The following IQSEC1 variants were observed in gnomAD, a reference collection of about 807,000 sequenced individuals.
IQSEC1 encodes IQ motif and SEC7 domain-containing protein 1.
Under a neutral mutation model 91.0 loss-of-function variants are expected in IQSEC1, and 31 were observed. The ratio of observed to expected loss-of-function variants is 0.34; its 90% CI spans 0.26 to 0.46. IQSEC1 has a LOEUF of 0.46. Among genes scored for constraint, IQSEC1 ranks in the 20% least tolerant of loss-of-function variants. The pLI, the probability that IQSEC1 is intolerant of heterozygous loss-of-function variation, is 1.00. For missense variants in IQSEC1, 1,388 were observed against 1,575.6 expected (o/e 0.88, Z 2.02); for synonymous variants, 699 against 662.6 (o/e 1.05, Z -0.84).
chr3:12,974,820 C>T (rs1461426725), intron 1 of IQSEC1, among the ~76,000 whole-genome samples: 1 of 152,144 alleles, frequency 6.6e-6, no homozygotes, highest in East Asian at 1.9e-4. Context: ...CAGCAGCACC[C>T]TCAGGGAGGG....
intron 2 of IQSEC1, among the ~76,000 whole-genome samples, chr3:13,098,711 T>C (rs1222101539): frequency 6.6e-6 from 1 of 152,166 alleles, no homozygotes; most frequent in Non-Finnish European, 1.5e-5. Context: ...GGCCAGTGTA[T>C]ATGGTTCCAT....
intron 1 of IQSEC1, among the ~76,000 whole-genome samples, chr3:13,170,837 C>T (rs11922648): frequency 7.2e-5 from 11 of 152,122 alleles, no homozygotes; most frequent in East Asian, 1.9e-4. Flanking sequence ...CGGTGGCTCA[C>T]GCCTGTAATC....
chr3:13,055,489 T>G (rs540226288), intron 1 of IQSEC1, among the ~76,000 whole-genome samples: 82 of 152,322 alleles, frequency 5.4e-4, no homozygotes, highest in Non-Finnish European at 1.0e-3. Context: ...AACCACCCTG[T>G]GACAGGAGAT....
chr3:12,972,455 G>T (rs1700952635), intron 1 of IQSEC1, among the ~76,000 whole-genome samples: 1 of 152,186 alleles, frequency 6.6e-6, no homozygotes, highest in African/African-American at 2.4e-5. Context: ...GCCACTCCAG[G>T]TTCCTCGTCT....
intron 1 of IQSEC1, among the ~76,000 whole-genome samples, chr3:13,003,299 A>AAAAG (rs1553675624): frequency 6.6e-6 from 1 of 150,422 alleles, no homozygotes; most frequent in Admixed American, 6.6e-5. Flanking sequence ...AAAAAAAAAA[A>AAAAG]GGAATGAAGT....
In IQSEC1 at chr3:12,897,350, A is replaced by G; in HGVS notation, c.*3633T>C. The G allele has an allele frequency of 6.6e-6, 1 of 152,254 alleles. No individual in the cohort carries two copies. Among genetic ancestry groups the G allele is most frequent in the Admixed American group, 6.5e-5 (1 of 15,278 alleles). 9.4% of individuals were successfully genotyped at this position (152,254 alleles called of 1,614,324 possible). ...CACTCCTTTCCTCTCAAAGGTACAC[A>G]GTGGGGGTGCCAGGCTTCTTGTGAG... On this transcript the variant is annotated 3_prime_UTR_variant, in exon 14 of 14. Transcript: ENST00000613206.
chr3:13,092,940 G>C (rs141978497), intron 2 of IQSEC1, among the ~76,000 whole-genome samples: 43 of 152,184 alleles, frequency 2.8e-4, no homozygotes, highest in African/African-American at 9.9e-4. Flanking sequence ...CCCGTAGCCG[G>C]CTCCTCCCAT....
Position 13,099,146 on chromosome 3 carries a change from C to T in IQSEC1, c.303-51624G>A, listed in dbSNP as rs544339076. Among the ~76,000 whole-genome samples, 24 of 152,278 alleles carry T rather than the reference C, an allele frequency of 1.6e-4. 1 individual carries two copies. The South Asian group carries it at 4.8e-3, about 30-fold the overall frequency. ...GGGTGGTGGCTAGACTAGCCTGTCC[C>T]GCACCTGCCACCTGGGGCACCACTG... On this transcript the variant is annotated intron_variant, in intron 2 of 15. Transcript: ENST00000648114.
intron 1 of IQSEC1, among the ~76,000 whole-genome samples, chr3:13,253,390 C>T (rs938563617): frequency 8.5e-5 from 13 of 152,124 alleles, no homozygotes; most frequent in Admixed American, 7.9e-4. Flanking sequence ...GATTCCTCCC[C>T]GGAAGTAATC....
At position 13,240,369 on chromosome 3, in the gene IQSEC1, G is replaced by A. The variant is rs558028532; in HGVS notation, c.272+42342C>T. 5.9e-5 allele frequency among the ~76,000 whole-genome samples: 9 copies of A among 152,136 alleles called. No homozygotes were observed. In the South Asian group the frequency reaches 1.0e-3, roughly 18 times the overall value. On this transcript the variant is annotated intron_variant, in intron 1 of 15. Transcript: ENST00000648114. Reference sequence around the variant, plus strand: ...CTGGGTGACAGAGTGAGACCTTATCGCTAATAAATAAATGAATAAATAAAA... The same window carrying A: ...CTGGGTGACAGAGTGAGACCTTATCACTAATAAATAAATGAATAAATAAAA...
At chr3:13,051,920 T>A (rs1704705843) in intron 1 of IQSEC1, among the ~76,000 whole-genome samples, 1 of 152,152 alleles carries the variant, frequency 6.6e-6, no homozygotes, top group African/African-American at 2.4e-5. Context: ...AAAAACTGTT[T>A]ATTTTGAAAT....
intron 2 of IQSEC1, among the ~76,000 whole-genome samples, chr3:13,086,819 T>A (rs937028257): frequency 6.6e-6 from 1 of 152,222 alleles, no homozygotes; most frequent in Admixed American, 6.5e-5. Context: ...CTCACCCAGT[T>A]TACTTCCTCT....
intron 1 of IQSEC1, among the ~76,000 whole-genome samples, chr3:13,004,416 G>T (rs981748719): frequency 3.3e-5 from 5 of 152,154 alleles, no homozygotes; most frequent in Non-Finnish European, 5.9e-5. Flanking sequence ...CTCTGCAGGA[G>T]GGGGAAGCCG....
chr3:13,023,617 C>T (rs1433352020), intron 1 of IQSEC1, among the ~76,000 whole-genome samples: 1 of 152,204 alleles, frequency 6.6e-6, no homozygotes, highest in Non-Finnish European at 1.5e-5. Context: ...AAGCCTTGCT[C>T]TGTCCCCAGG....
chr3:12,930,282 G>A (rs1425934095), intron 3 of IQSEC1, among the ~76,000 whole-genome samples: 1 of 152,206 alleles, frequency 6.6e-6, no homozygotes, highest in African/African-American at 2.4e-5. Flanking sequence ...CCAAGCAGCT[G>A]GGACCACAGG....
rs377473833 is a variant in IQSEC1 at position 12,962,492 on chromosome 3, G to C, written c.24-20627C>G. ...GAGGACTCCTCCCAGCTGGGGACTCGTTCCAATTCTTCCAGTTTATTAATG... is the reference window on the plus strand; with the variant it reads ...GAGGACTCCTCCCAGCTGGGGACTCCTTCCAATTCTTCCAGTTTATTAATG... On this transcript the variant is annotated intron_variant, in intron 1 of 13. Coordinates refer to ENST00000613206, the MANE Select transcript of IQSEC1 (RefSeq NM_001134382.3). Among the ~76,000 whole-genome samples the C allele has an allele frequency of 4.0e-4, 61 of 152,298 alleles. 1 individual carries two copies. In the South Asian group the frequency reaches 0.012, roughly 31 times the overall value.
intron 1 of IQSEC1, among the ~76,000 whole-genome samples, chr3:13,182,060 C>T (rs982577232): frequency 5.3e-5 from 8 of 152,194 alleles, no homozygotes; most frequent in African/African-American, 1.9e-4. Context: ...TCATTTTCAG[C>T]CATTCTTGTT....
intron 1 of IQSEC1, among the ~76,000 whole-genome samples, chr3:13,030,859 C>T (rs182838948): frequency 2.0e-5 from 3 of 152,386 alleles, no homozygotes; most frequent in Admixed American, 6.5e-5. Flanking sequence ...GCGTGGGATT[C>T]GCCTTACAAC....
intron 1 of IQSEC1, among the ~76,000 whole-genome samples, chr3:12,947,053 G>A (rs1699226325): frequency 6.6e-6 from 1 of 152,236 alleles, no homozygotes; most frequent in South Asian, 2.1e-4. Flanking sequence ...CCAAATAACA[G>A]TATGCCAGGA....
Sources: allele counts gnomAD v4.1 joint callset (sites outside exome capture counted in the v4.1 genomes callset), GRCh38; gene constraint gnomAD v4.1.1; transcripts MANE v1.5; gene names NCBI Gene and HGNC (gene_info 2026-07-23, HGNC 2026-07-21).